The following ACYP2 variants were observed in gnomAD, a reference collection of about 807,000 sequenced individuals.
The protein encoded by ACYP2 is acylphosphatase 2, also known as acylphosphatase-2.
Under a neutral mutation model 11.2 loss-of-function variants are expected in ACYP2, and 12 were observed. That is an observed-to-expected ratio of 1.08 (90% CI 0.69 to 1.74). The LOEUF (loss-of-function observed/expected upper bound fraction) is 1.74, where lower values mean the gene tolerates loss of function less well. ACYP2 is among the 40% of genes most tolerant of loss of function. The pLI, the probability that ACYP2 is intolerant of heterozygous loss-of-function variation, is 0.00. For synonymous variants in ACYP2, 43 were observed against 32.2 expected (o/e 1.33, Z -1.13); for missense variants, 134 against 101.9 (o/e 1.31, Z -1.35).
chr2:54,238,124 G>A (rs1230255262), intron 6 of ACYP2, among the ~76,000 whole-genome samples: 1 of 152,058 alleles, frequency 6.6e-6, no homozygotes, highest in African/African-American at 2.4e-5. Context: ...GGCTTTCTCT[G>A]ACATTTATTC....
At chr2:54,183,822 A>T (rs1161488909) in intron 6 of ACYP2, among the ~76,000 whole-genome samples, 1 of 152,192 alleles carries the variant, frequency 6.6e-6, no homozygotes. Flanking sequence ...TTATAATTTA[A>T]TCTTATATTT....
chr2:54,177,653 C>T (rs542582725), intron 6 of ACYP2, among the ~76,000 whole-genome samples: 1 of 151,032 alleles, frequency 6.6e-6, no homozygotes, highest in African/African-American at 2.5e-5. Flanking sequence ...TCTCGGCTCA[C>T]TGCAACCTGT....
At chr2:54,191,845 C>T (rs1684254020) in intron 6 of ACYP2, among the ~76,000 whole-genome samples, 1 of 152,140 alleles carries the variant, frequency 6.6e-6, no homozygotes, top group South Asian at 2.1e-4. Context: ...AATATGTAAG[C>T]ATACGCTTGT....
intron 4 of ACYP2, among the ~76,000 whole-genome samples, chr2:54,130,710 G>A (rs1361059492): frequency 2.6e-5 from 4 of 152,072 alleles, no homozygotes; most frequent in Admixed American, 6.6e-5. Flanking sequence ...GTAACGACTG[G>A]GGCCTAGAAA....
intron 6 of ACYP2, among the ~76,000 whole-genome samples, chr2:54,227,251 G>A (rs1416775317): frequency 6.6e-6 from 1 of 152,308 alleles, no homozygotes; most frequent in African/African-American, 2.4e-5. Flanking sequence ...AGTATTAGGT[G>A]TTCAGGGACC....
chr2:54,271,178 G>GA (rs1688281080), intron 6 of ACYP2, among the ~76,000 whole-genome samples: 1 of 152,166 alleles, frequency 6.6e-6, no homozygotes, highest in Admixed American at 6.5e-5. Flanking sequence ...CCCTAAGACT[G>GA]ATCCCCTCCT....
At position 54,019,072 on chromosome 2, in the gene ACYP2, T is replaced by G. The variant is rs187372743; in HGVS notation, c.63-31886T>G. 5.1e-3 allele frequency among the ~76,000 whole-genome samples: 732 copies of G among 142,164 alleles called. 3 individuals carry two copies. The highest frequency in any genetic ancestry group is 9.1e-3 in the Admixed American group (129 of 14,236). The allele number at this position is 142,164 out of a possible 152,430, so 93.3% of individuals were successfully genotyped here. On this transcript the variant is annotated intron_variant, in intron 2 of 6. Transcript: ENST00000607452. ...TTTTTTTATTATTATTATTATTATG[T>G]TTTTTTTTTTTGGCAACAAGGCCTT...
In ACYP2 at chr2:54,226,821, G is replaced by C. The variant is rs144540230; in HGVS notation, c.405-77867G>C. On this transcript the variant is annotated intron_variant, in intron 6 of 6. Coordinates refer to ENST00000607452, the MANE Select transcript of ACYP2 (RefSeq NM_001320586.2). ...CAGTATCAAAATTATTTCTAAATTA[G>C]AGTTTGAGAAATGATTTTGAAATTT... Among the ~76,000 whole-genome samples the C allele has an allele frequency of 2.5e-4, 38 of 152,296 alleles. No homozygotes were observed. In the East Asian group the frequency reaches 6.2e-3, roughly 25 times the overall value.
At chr2:54,181,201 C>G (rs895154952) in intron 6 of ACYP2, among the ~76,000 whole-genome samples, 4 of 152,086 alleles carry the variant, frequency 2.6e-5, no homozygotes, top group Admixed American at 2.6e-4. Context: ...AGTCGGATAA[C>G]TAACAAATAA....
At chr2:54,285,485 C>A (rs1201022037) in intron 6 of ACYP2, among the ~76,000 whole-genome samples, 1 of 152,214 alleles carries the variant, frequency 6.6e-6, no homozygotes, top group Non-Finnish European at 1.5e-5. Context: ...GTTTCAATCT[C>A]TCTCCTAAAT....
chr2:54,276,422 C>T (rs960653123), intron 6 of ACYP2, among the ~76,000 whole-genome samples: 2 of 152,118 alleles, frequency 1.3e-5, no homozygotes, highest in Admixed American at 1.3e-4. Flanking sequence ...ATTACCCTTG[C>T]ATTACCATGA....
At chr2:54,264,785 C>G (rs905394838) in intron 6 of ACYP2, among the ~76,000 whole-genome samples, 1 of 152,132 alleles carries the variant, frequency 6.6e-6, no homozygotes, top group Non-Finnish European at 1.5e-5. Flanking sequence ...CAAAAGCATT[C>G]TTGGGACAGT....
intron 6 of ACYP2, among the ~76,000 whole-genome samples, chr2:54,192,894 T>C (rs140712161): frequency 1.4e-3 from 209 of 152,250 alleles, no homozygotes; most frequent in Non-Finnish European, 2.3e-3. Context: ...GAACTCACTA[T>C]CTGGAGAACA....
intron 2 of ACYP2, among the ~76,000 whole-genome samples, chr2:54,005,253 A>G (rs1673003856): frequency 1.3e-5 from 2 of 152,020 alleles, no homozygotes; most frequent in African/African-American, 4.8e-5. Context: ...CAGTTACTCT[A>G]GCACCATTTG....
intron 2 of ACYP2, among the ~76,000 whole-genome samples, chr2:53,984,815 T>C (rs1671947450): frequency 6.6e-6 from 1 of 151,702 alleles, no homozygotes; most frequent in Non-Finnish European, 1.5e-5. Context: ...ACAAATGTTG[T>C]AGGATGAATG....
At position 54,303,861 on chromosome 2, in the gene ACYP2, C is replaced by T. The variant is rs115508604; in HGVS notation, c.405-827C>T. ...GTATAAAACAGCCTTGTTTTATAAA[C>T]CTAAAGTCCCAGCTAATTAGTAATA... is the stretch of plus-strand genomic sequence containing the variant. On this transcript the variant is annotated intron_variant, in intron 6 of 6. Coordinates refer to ENST00000607452, the MANE Select transcript of ACYP2 (RefSeq NM_001320586.2). 6.9e-3 allele frequency among the ~76,000 whole-genome samples: 1,046 copies of T among 152,168 alleles called. 10 individuals are homozygous for T. The highest frequency in any genetic ancestry group is 0.024 in the African/African-American group (979 of 41,518).
At chr2:54,171,510 A>G (rs1683219136) in intron 6 of ACYP2, among the ~76,000 whole-genome samples, 2 of 152,220 alleles carry the variant, frequency 1.3e-5, no homozygotes, top group Non-Finnish European at 2.9e-5. Context: ...TTGTGGTTGT[A>G]TAAGAATCAC....
intron 2 of ACYP2, among the ~76,000 whole-genome samples, chr2:53,974,407 C>G (rs1376902628): frequency 6.6e-6 from 1 of 152,124 alleles, no homozygotes; most frequent in Non-Finnish European, 1.5e-5. Flanking sequence ...ATGTTTGGTA[C>G]TGGAAGTTGG....
intron 4 of ACYP2, among the ~76,000 whole-genome samples, chr2:54,105,844 A>T (rs1027598125): frequency 6.6e-6 from 1 of 152,096 alleles, no homozygotes; most frequent in African/African-American, 2.4e-5. Context: ...CACATGGCAC[A>T]TACTGGGTAT....
Sources: allele counts gnomAD v4.1 joint callset (sites outside exome capture counted in the v4.1 genomes callset), GRCh38; gene constraint gnomAD v4.1.1; transcripts MANE v1.5; gene names NCBI Gene and HGNC (gene_info 2026-07-23, HGNC 2026-07-21).